The following FBLN5 variants were observed in gnomAD, a reference collection of about 807,000 sequenced individuals.
FBLN5 encodes the protein fibulin-5.
FBLN5 carries 24 observed loss-of-function variants against 61.6 expected under a neutral mutation model. That is an observed-to-expected ratio of 0.39 (90% CI 0.28 to 0.55). The LOEUF is 0.55. Among genes scored for constraint, FBLN5 ranks in the 20% least tolerant of loss-of-function variants. The pLI is 0.65. For synonymous variants in FBLN5, 213 were observed against 219.8 expected, an observed-to-expected ratio of 0.97 and a Z score of 0.27; for missense variants, 470 against 594.1, an observed-to-expected ratio of 0.79 and a Z score of 2.17.
intron 3 of FBLN5, among the ~76,000 whole-genome samples, chr14:91,939,502 G>C (rs981580427): frequency 6.6e-6 from 1 of 151,936 alleles, no homozygotes; most frequent in East Asian, 1.9e-4. Context: ...ACTACTCCTG[G>C]CTAATTTTTT....
intron 4 of FBLN5, among the ~76,000 whole-genome samples, chr14:91,907,871 G>A (rs566888514): frequency 9.2e-5 from 14 of 152,080 alleles, no homozygotes; most frequent in African/African-American, 3.1e-4. Context: ...CTAGCCCCTT[G>A]TAGTTCAGCA....
At chr14:91,886,159 T>C (rs1412865377) in intron 7 of FBLN5, among the ~76,000 whole-genome samples, 1 of 152,194 alleles carries the variant, frequency 6.6e-6, no homozygotes, top group Admixed American at 6.5e-5. Flanking sequence ...GACAGAAAGA[T>C]TTTTCACGCC....
chr14:91,937,568 C>A (rs931529028), intron 3 of FBLN5, among the ~76,000 whole-genome samples: 2 of 152,086 alleles, frequency 1.3e-5, no homozygotes, highest in African/African-American at 4.8e-5. Flanking sequence ...ATGGATTAAT[C>A]TACTCATAGA....
intron 4 of FBLN5, among the ~76,000 whole-genome samples, chr14:91,909,472 C>A (rs1318862593): frequency 6.6e-6 from 1 of 152,134 alleles, no homozygotes; most frequent in African/African-American, 2.4e-5. Context: ...AATTCAGTTG[C>A]CACTGTGACA....
intron 4 of FBLN5, among the ~76,000 whole-genome samples, chr14:91,918,055 T>C (rs190777353): frequency 7.3e-4 from 111 of 152,258 alleles, no homozygotes; most frequent in Non-Finnish European, 1.2e-3. Context: ...GTACCACCCA[T>C]GAACCAGTTG....
At chr14:91,935,893 A>C (rs1438817317) in intron 4 of FBLN5, among the ~76,000 whole-genome samples, 14 of 152,200 alleles carry the variant, frequency 9.2e-5, no homozygotes, top group Admixed American at 9.2e-4. Flanking sequence ...CCCCACGCCA[A>C]CACACACAGA....
intron 4 of FBLN5, among the ~76,000 whole-genome samples, chr14:91,927,454 T>C (rs767421714): frequency 6.6e-6 from 1 of 152,216 alleles, no homozygotes; most frequent in Non-Finnish European, 1.5e-5. Flanking sequence ...GTCATTCTGT[T>C]CTAGAGTCCT....
chr14:91,895,833 A>G (rs1395781766), intron 4 of FBLN5, among the ~76,000 whole-genome samples: 1 of 146,964 alleles, frequency 6.8e-6, no homozygotes, highest in East Asian at 2.0e-4. Flanking sequence ...GTTCCCTGCC[A>G]ACAGAAGCTG....
At position 91,877,956 on chromosome 14, in the gene FBLN5, A is replaced by G. The variant is rs2498847; in HGVS notation, c.990-274T>C. 0.37 allele frequency: 205,837 copies of G among 556,766 alleles called. 39,062 individuals carry two copies. Among genetic ancestry groups the G allele is most frequent in the African/African-American group, 0.48 (26,020 of 53,710 alleles). 34.5% of individuals were successfully genotyped at this position (556,766 alleles called of 1,614,324 possible). ...AGATCTCTGGTTTTCAGAACATTAG[A>G]ACATTCTCCAAGATACTTTACATTT... On this transcript the variant is annotated intron_variant, in intron 9 of 10. Coordinates refer to ENST00000342058, the MANE Select transcript of FBLN5 (RefSeq NM_006329.4).
At position 91,905,581 on chromosome 14, in the gene FBLN5, CTTT is replaced by C. The variant is rs34047802; in HGVS notation, c.380-10512_380-10510del. On this transcript the variant is annotated intron_variant, in intron 4 of 10. Transcript: ENST00000342058. Reference sequence around the variant, plus strand: ...GCCGGTAGGTAACTAAGAATATGAGCTTTTTTTTTTTTTTTTTTAGATGGAGCC... The same window carrying C: ...GCCGGTAGGTAACTAAGAATATGAGCTTTTTTTTTTTTTTTAGATGGAGCC... Among the ~76,000 whole-genome samples the C allele has an allele frequency of 7.5e-3, 1,013 of 134,668 alleles. 10 individuals are homozygous for C. The highest frequency in any genetic ancestry group is 0.023 in the African/African-American group (835 of 36,144). 88.3% of individuals were successfully genotyped at this position (134,668 alleles called of 152,430 possible). A position where few individuals can be genotyped will look rare whatever the true frequency, so the allele number is the denominator to read the frequency against.
At chr14:91,933,513 C>G (rs1013525652) in intron 4 of FBLN5, among the ~76,000 whole-genome samples, 3 of 152,102 alleles carry the variant, frequency 2.0e-5, no homozygotes, top group Admixed American at 1.3e-4. Flanking sequence ...GGTGATCCAC[C>G]CACCTCGGCC....
rs72705337 is a variant in FBLN5 at position 91,882,232 on chromosome 14, T to C, written c.862+722A>G. Among the ~76,000 whole-genome samples, 68 of 152,356 alleles carry C rather than the reference T, an allele frequency of 4.5e-4. No individual in the cohort carries two copies. The highest frequency in any genetic ancestry group is 8.5e-4 in the Admixed American group (13 of 15,302). Reference sequence around the variant, plus strand: ...TTTACCCATTTTTTTCCTCTTTTAATGTGGCTAATAGAAAATGTAAAATTA... The same window carrying C: ...TTTACCCATTTTTTTCCTCTTTTAACGTGGCTAATAGAAAATGTAAAATTA... On this transcript the variant is annotated intron_variant, in intron 8 of 10. Transcript: ENST00000342058. The surrounding 1 kb of genome is among the most constrained non-coding windows in gnomAD (Gnocchi z 4.9).
intron 10 of FBLN5, among the ~76,000 whole-genome samples, chr14:91,871,919 A>G (rs1888950732): frequency 6.6e-6 from 1 of 152,002 alleles, no homozygotes; most frequent in African/African-American, 2.4e-5. Context: ...TGGTCCCTGG[A>G]CCAGCAGCAT....
chr14:91,897,930 GT>G (rs1890292512), intron 4 of FBLN5, among the ~76,000 whole-genome samples: 1 of 152,004 alleles, frequency 6.6e-6, no homozygotes, highest in Non-Finnish European at 1.5e-5. Context: ...CATACCTGTA[GT>G]CCCAGCTACT....
At chr14:91,880,522 C>CGTGT (rs1170158743) in intron 9 of FBLN5, among the ~76,000 whole-genome samples, 3 of 106,934 alleles carry the variant, frequency 2.8e-5, no homozygotes, top group Non-Finnish European at 5.8e-5. Context: ...TGGGAGTGTG[C>CGTGT]GTGCGTGTGT....
intron 10 of FBLN5, 57 bp from the exon 11 acceptor site, chr14:91,870,442 C>A: frequency 6.3e-7 from 1 of 1,578,000 alleles, no homozygotes; most frequent in Non-Finnish European, 8.7e-7. Flanking sequence ...GGCCCTGCAG[C>A]CCCACCTGGG....
intron 4 of FBLN5, among the ~76,000 whole-genome samples, chr14:91,905,673 G>A (rs1890655047): frequency 6.6e-6 from 1 of 151,418 alleles, no homozygotes; most frequent in Non-Finnish European, 1.5e-5. Flanking sequence ...TCCACCTCCT[G>A]GGTTCAAGCG....
At chr14:91,878,161 A>T (rs1889260014) in intron 9 of FBLN5, 1 of 322,146 alleles carries the variant, frequency 3.1e-6, no homozygotes, top group East Asian at 8.3e-5. Flanking sequence ...ATGGAATGTT[A>T]CTGAATCGAA....
chr14:91,880,757 G>A (rs146499756), intron 9 of FBLN5, among the ~76,000 whole-genome samples: 7 of 152,084 alleles, frequency 4.6e-5, no homozygotes, highest in Non-Finnish European at 1.0e-4. Context: ...CACCATGTTG[G>A]CCAGGCTGCT....
Sources: gnomAD v4.1 joint callset for allele counts (sites outside exome capture counted in the v4.1 genomes callset) on GRCh38, gnomAD v4.1.1 for gene constraint, Gnocchi (gnomAD v3.1) non-coding constraint, MANE v1.5 for transcripts, NCBI Gene and HGNC (gene_info 2026-07-23, HGNC 2026-07-21) for gene names.